GRIK1: variants seen among roughly 807,000 people sequenced by gnomAD.
The protein encoded by GRIK1 is glutamate receptor ionotropic, kainate 1.
GRIK1 carries 69 observed loss-of-function variants against 105.7 expected under a neutral mutation model. That is an observed-to-expected ratio of 0.65 (90% CI 0.54 to 0.80). The LOEUF is 0.80. Among genes scored for constraint, GRIK1 ranks in the 30% least tolerant of loss-of-function variants. The pLI, the probability that GRIK1 is intolerant of heterozygous loss-of-function variation, is 0.00. For synonymous variants in GRIK1, 438 were observed against 431.3 expected, an observed-to-expected ratio of 1.02 and a Z score of -0.19; for missense variants, 1,109 against 1,167.3, an observed-to-expected ratio of 0.95 and a Z score of 0.73.
At chr21:29,794,510 T>C (rs1022219661) in intron 1 of GRIK1, among the ~76,000 whole-genome samples, 6 of 152,216 alleles carry the variant, frequency 3.9e-5, no homozygotes, top group African/African-American at 1.4e-4. Context: ...TGTCAAGCTA[T>C]GAAACATCAT....
At chr21:29,732,041 T>G (rs1428214340) in intron 1 of GRIK1, among the ~76,000 whole-genome samples, 1 of 152,236 alleles carries the variant, frequency 6.6e-6, no homozygotes, top group Non-Finnish European at 1.5e-5. Flanking sequence ...GAGTTTATTT[T>G]GGTGCAAACA....
At position 29,635,128 on chromosome 21, in the gene GRIK1, G is replaced by C. The variant is rs577521924; in HGVS notation, c.1098+7698C>G. Among the ~76,000 whole-genome samples the C allele has an allele frequency of 5.3e-5, 8 of 152,298 alleles. 1 individual carries two copies. Among genetic ancestry groups the C allele is most frequent in the African/African-American group, 1.7e-4 (7 of 41,554 alleles). On this transcript the variant is annotated intron_variant, in intron 7 of 17. Transcript: ENST00000327783. Reference sequence around the variant, plus strand: ...CTTAATCAGATGAGTGTACTGAGGGGATGAGGTCTTAGATAACCTGTAGAG... The same window carrying C: ...CTTAATCAGATGAGTGTACTGAGGGCATGAGGTCTTAGATAACCTGTAGAG...
chr21:29,601,306 C>A, intron 7 of GRIK1: 1 of 461,130 alleles, frequency 2.2e-6, no homozygotes, highest in South Asian at 1.5e-5. Context: ...GGCCTTTAGA[C>A]TCAGACTAGA....
intron 13 of GRIK1, among the ~76,000 whole-genome samples, chr21:29,580,067 G>GTA (rs1157577537): frequency 3.5e-5 from 5 of 142,462 alleles, no homozygotes; most frequent in African/African-American, 1.3e-4. Context: ...ATATATATGT[G>GTA]TATATATATG....
intron 1 of GRIK1, among the ~76,000 whole-genome samples, chr21:29,899,863 G>A (rs1193069362): frequency 2.6e-5 from 4 of 152,096 alleles, no homozygotes. Context: ...CTTCCCAAAT[G>A]TCTCAGACAC....
At chr21:29,738,278 C>T (rs1245609678) in intron 1 of GRIK1, among the ~76,000 whole-genome samples, 2 of 152,210 alleles carry the variant, frequency 1.3e-5, no homozygotes, top group Non-Finnish European at 2.9e-5. Context: ...CACGAACACT[C>T]ATATGTGTAT....
chr21:29,539,134 G>T (rs2089929426), intron 16 of GRIK1, among the ~76,000 whole-genome samples: 1 of 151,884 alleles, frequency 6.6e-6, no homozygotes, highest in Non-Finnish European at 1.5e-5. Flanking sequence ...AATTGGGAGG[G>T]GTGTCATGCC....
At chr21:29,772,980 T>C (rs2065850279) in intron 1 of GRIK1, among the ~76,000 whole-genome samples, 1 of 152,176 alleles carries the variant, frequency 6.6e-6, no homozygotes, top group Non-Finnish European at 1.5e-5. Flanking sequence ...CATTTAGTAA[T>C]ACAGGGGCAA....
chr21:29,585,237 T>A (rs2091105335), intron 12 of GRIK1, among the ~76,000 whole-genome samples: 1 of 152,024 alleles, frequency 6.6e-6, no homozygotes, highest in African/African-American at 2.4e-5. Context: ...GTTATCTTAA[T>A]AGAAATAAAC....
chr21:29,871,944 T>C (rs2069027362), intron 1 of GRIK1, among the ~76,000 whole-genome samples: 1 of 146,158 alleles, frequency 6.8e-6, no homozygotes, highest in African/African-American at 2.5e-5. Context: ...TTGTATGTTT[T>C]GTAGAGAGTG....
intron 1 of GRIK1, among the ~76,000 whole-genome samples, chr21:29,826,836 C>A (rs955458498): frequency 6.6e-6 from 1 of 152,000 alleles, no homozygotes; most frequent in Non-Finnish European, 1.5e-5. Flanking sequence ...ATTATTCCTC[C>A]AATCAGAGTA....
At chr21:29,869,673 C>T (rs1211532296) in intron 1 of GRIK1, among the ~76,000 whole-genome samples, 2 of 152,088 alleles carry the variant, frequency 1.3e-5, no homozygotes, top group Admixed American at 6.6e-5. Flanking sequence ...AGTGTAAACC[C>T]CTGCCCATGT....
At chr21:29,628,674 G>T (rs1002658935) in intron 7 of GRIK1, among the ~76,000 whole-genome samples, 2 of 152,170 alleles carry the variant, frequency 1.3e-5, no homozygotes, top group Non-Finnish European at 2.9e-5. Flanking sequence ...AAATGGGCAG[G>T]ATCACAAACC....
At chr21:29,886,491 T>C (rs1479374410) in intron 1 of GRIK1, among the ~76,000 whole-genome samples, 1 of 152,126 alleles carries the variant, frequency 6.6e-6, no homozygotes, top group Non-Finnish European at 1.5e-5. Flanking sequence ...AACACACTTA[T>C]TATAAAGATG....
intron 1 of GRIK1, among the ~76,000 whole-genome samples, chr21:29,768,355 C>T (rs545210411): frequency 4.6e-5 from 7 of 152,146 alleles, no homozygotes; most frequent in East Asian, 1.9e-4. Context: ...GGCTTTTGTG[C>T]GAGTCTTTTG....
At chr21:29,665,460 T>G (rs141158829) in intron 4 of GRIK1, among the ~76,000 whole-genome samples, 1 of 152,288 alleles carries the variant, frequency 6.6e-6, no homozygotes, top group African/African-American at 2.4e-5. Context: ...TAAATTGAGA[T>G]TCATCATCAT....
intron 7 of GRIK1, among the ~76,000 whole-genome samples, chr21:29,633,179 C>T (rs1201233589): frequency 2.0e-5 from 3 of 152,242 alleles, no homozygotes; most frequent in Non-Finnish European, 4.4e-5. Flanking sequence ...TTACCTTTAT[C>T]TGGGACTTCT....
chr21:29,579,965 G>A (rs2032303), intron 13 of GRIK1, among the ~76,000 whole-genome samples: 127,894 of 143,080 alleles, frequency 0.89, 57,272 homozygotes, highest in South Asian at 0.99. Flanking sequence ...ATGTGTGTGT[G>A]TATATATATA....
At chr21:29,638,960 C>T (rs2062453661) in intron 7 of GRIK1, among the ~76,000 whole-genome samples, 1 of 152,148 alleles carries the variant, frequency 6.6e-6, no homozygotes, top group Non-Finnish European at 1.5e-5. Context: ...AGCTAAATGA[C>T]TTGACTAAGT....
Sources: allele counts gnomAD v4.1 joint callset (sites outside exome capture counted in the v4.1 genomes callset), GRCh38; gene constraint gnomAD v4.1.1; transcripts MANE v1.5; gene names NCBI Gene and HGNC (gene_info 2026-07-23, HGNC 2026-07-21).